Variants in TRIP12 observed in about 807,000 individuals in gnomAD.
TRIP12 encodes the protein E3 ubiquitin-protein ligase TRIP12.
A neutral mutation model predicts 244.2 loss-of-function variants in TRIP12; 25 were observed. That is an observed-to-expected ratio of 0.10 (90% CI 0.07 to 0.14). The LOEUF is 0.14. Ranked by LOEUF, TRIP12 falls within the 10% of genes least tolerant of loss-of-function variation. The pLI, the probability that TRIP12 is intolerant of heterozygous loss-of-function variation, is 1.00. For missense variants in TRIP12, 1,677 were observed against 2,486.4 expected, an observed-to-expected ratio of 0.67 and a Z score of 6.92; for synonymous variants, 905 against 873.1, an observed-to-expected ratio of 1.04 and a Z score of -0.64.
At chr2:229,789,340 C>T (rs1450801817) in intron 31 of TRIP12, among the ~76,000 whole-genome samples, 1 of 152,164 alleles carries the variant, frequency 6.6e-6, no homozygotes, top group East Asian at 1.9e-4. Flanking sequence ...AGAATTTTAA[C>T]TATAATAAAT....
rs779192039 is a variant in TRIP12, at chr2:229,765,926, C to T, written c.*1628G>A. ...TCCCTTCCACTTAATGGGGTCACTG[C>T]CCAAGTGAACTCTCAGGAGGGGACA... is the stretch of plus-strand genomic sequence containing the variant. On this transcript the variant is annotated 3_prime_UTR_variant, in exon 42 of 42. Coordinates refer to ENST00000675903, the MANE Select transcript of TRIP12 (RefSeq NM_001348323.3). 1.3e-5 allele frequency: 2 copies of T among 152,148 alleles called. No individual in the cohort carries two copies. The highest frequency in any genetic ancestry group is 2.9e-5 in the Non-Finnish European group (2 of 68,026). 9.4% of individuals were successfully genotyped at this position (152,148 alleles called of 1,614,324 possible).
chr2:229,781,063 G>T (rs192524365), intron 34 of TRIP12, among the ~76,000 whole-genome samples: 2 of 152,162 alleles, frequency 1.3e-5, no homozygotes, highest in Non-Finnish European at 2.9e-5. Context: ...TTTCTAAAAG[G>T]ATTCTTAAAA....
chr2:229,871,124 A>C (rs1373821531), intron 2 of TRIP12, among the ~76,000 whole-genome samples: 1 of 144,452 alleles, frequency 6.9e-6, no homozygotes, highest in African/African-American at 2.5e-5. Flanking sequence ...CAGTGAGTCA[A>C]GGTCACACCA....
chr2:229,850,991 G>A (rs1171522227), intron 4 of TRIP12, among the ~76,000 whole-genome samples: 1 of 152,224 alleles, frequency 6.6e-6, no homozygotes, highest in Non-Finnish European at 1.5e-5. Flanking sequence ...CCATGGCTGA[G>A]CCTTCCCCCA....
chr2:229,829,417 T>G, intron 7 of TRIP12, 129 bp from the exon 8 acceptor site: 2 of 684,848 alleles, frequency 2.9e-6, no homozygotes, highest in Admixed American at 3.3e-5. Context: ...TTCTGGACTT[T>G]TAAGAGAAGC....
chr2:229,893,313 T>C (rs922312575), intron 1 of TRIP12, among the ~76,000 whole-genome samples: 5 of 152,228 alleles, frequency 3.3e-5, no homozygotes, highest in African/African-American at 1.2e-4. Flanking sequence ...TTCAGTTAAA[T>C]TTTCAACAAC....
chr2:229,814,014 G>A lies in TRIP12; in HGVS notation c.1842C>T (p.Cys614=). 1 of 1,580,480 alleles carries A rather than the reference G, an allele frequency of 6.3e-7. No individual in the cohort carries two copies. Among genetic ancestry groups the A allele is most frequent in the Non-Finnish European group, 8.7e-7 (1 of 1,153,942 alleles). ...TGCTGAAGAATTCTAGGTACAGCAA[G>A]CAGTCTGCCAAACCACCCTAAAATA... The part of the protein sequence containing the change: ...AILQAGGLAD[C]LLYLEFFSIN... The change falls in exon 13 of 42, where the codon TGC becomes TGT. Residue 614 remains cysteine (C), a synonymous_variant. Transcript: ENST00000675903.
At chr2:229,879,129 G>A (rs752048202) in intron 2 of TRIP12, among the ~76,000 whole-genome samples, 8 of 152,004 alleles carry the variant, frequency 5.3e-5, no homozygotes, top group Non-Finnish European at 8.8e-5. Context: ...GTGCACACCT[G>A]TAATCCCAGC....
chr2:229,895,397 G>T (rs528713234), intron 1 of TRIP12, among the ~76,000 whole-genome samples: 1 of 151,952 alleles, frequency 6.6e-6, no homozygotes, highest in East Asian at 1.9e-4. Context: ...GTAGAAGAGT[G>T]AAGAAATGTG....
chr2:229,774,560 T>C (rs1033106641), intron 37 of TRIP12, among the ~76,000 whole-genome samples: 1 of 152,210 alleles, frequency 6.6e-6, no homozygotes, highest in Non-Finnish European at 1.5e-5. Context: ...TGCATATTAG[T>C]TAATTTTAAG....
chr2:229,916,422 G>C (rs370628033), intron 1 of TRIP12, among the ~76,000 whole-genome samples: 2 of 152,216 alleles, frequency 1.3e-5, no homozygotes, highest in East Asian at 3.9e-4. Context: ...CAAGTGTGGA[G>C]GTGCCCGTCT....
intron 1 of TRIP12, among the ~76,000 whole-genome samples, chr2:229,891,417 T>G (rs1293770919): frequency 6.6e-6 from 1 of 151,214 alleles, no homozygotes; most frequent in Non-Finnish European, 1.5e-5. Context: ...AGAGCGAAAC[T>G]GTCTCAAAAA....
intron 1 of TRIP12, among the ~76,000 whole-genome samples, chr2:229,883,307 A>G (rs1000850026): frequency 1.3e-5 from 2 of 152,244 alleles, no homozygotes; most frequent in African/African-American, 2.4e-5. Flanking sequence ...CCAGAGGCCA[A>G]AAGTTTTCTC....
Position 229,795,735 on chromosome 2 carries a change from G to A in TRIP12, c.3817-405C>T, listed in dbSNP as rs528858541. 3.3e-5 allele frequency among the ~76,000 whole-genome samples: 5 copies of A among 152,316 alleles called. No individual in the cohort carries two copies. In the South Asian group the frequency reaches 1.0e-3, roughly 32 times the overall value. ...TGGGAATTTTAATGTACTACACACT[G>A]TAGGACCTTTGAAACCGACCAAACT... On this transcript the variant is annotated intron_variant, in intron 25 of 41. Transcript: ENST00000675903.
chr2:229,793,901 T>C (rs2042162377), intron 26 of TRIP12, among the ~76,000 whole-genome samples: 1 of 152,112 alleles, frequency 6.6e-6, no homozygotes. Context: ...GTATTTTATG[T>C]GGCCCAAGAC....
intron 8 of TRIP12, among the ~76,000 whole-genome samples, chr2:229,819,503 T>C (rs1284163844): frequency 6.6e-6 from 1 of 152,110 alleles, no homozygotes; most frequent in Non-Finnish European, 1.5e-5. Context: ...CGAGATCATG[T>C]CACTGCACTC....
chr2:229,803,187 A>G (rs2044890933), intron 20 of TRIP12, among the ~76,000 whole-genome samples: 1 of 152,256 alleles, frequency 6.6e-6, no homozygotes, highest in African/African-American at 2.4e-5. Context: ...GACTCTTATT[A>G]AAAGACAAAC....
At chr2:229,829,070 T>C in intron 8 of TRIP12, 123 bp downstream of exon 8, 2 of 782,160 alleles carry the variant, frequency 2.6e-6, no homozygotes, top group Non-Finnish European at 2.0e-6. Flanking sequence ...GTACACAGCC[T>C]TATTTTTAAA....
chr2:229,818,948 T>C (rs1432650284), intron 8 of TRIP12, among the ~76,000 whole-genome samples: 3 of 150,510 alleles, frequency 2.0e-5, no homozygotes, highest in African/African-American at 7.4e-5. Context: ...ATAAATAGAA[T>C]CCAATTAACA....
Sources: allele counts gnomAD v4.1 joint callset (sites outside exome capture counted in the v4.1 genomes callset), GRCh38; gene constraint gnomAD v4.1.1; transcripts MANE v1.5; gene names NCBI Gene and HGNC (gene_info 2026-07-23, HGNC 2026-07-21).